The following PNPLA2 variants were observed in gnomAD, a reference collection of about 807,000 sequenced individuals.
PNPLA2 encodes the protein patatin like domain 2, triacylglycerol lipase, also known as patatin-like phospholipase domain-containing protein 2.
In PNPLA2, 28 loss-of-function variants were observed where a neutral mutation model predicts 39.7. The ratio of observed to expected loss-of-function variants is 0.70; its 90% CI spans 0.52 to 0.97. The LOEUF is 0.97. Ranked by LOEUF, PNPLA2 falls within the 50% of genes least tolerant of loss-of-function variation. The pLI is 0.00. For missense variants in PNPLA2, 768 were observed against 698.2 expected (o/e 1.10, Z -1.13); for synonymous variants, 392 against 321.1 (o/e 1.22, Z -2.36).
intron 5 of PNPLA2, 40 bp downstream of exon 5, chr11:822,646 C>A: frequency 2.0e-6 from 3 of 1,478,506 alleles, no homozygotes; most frequent in Non-Finnish European, 2.8e-6. Context: ...CCCAGCCACT[C>A]CTCACTGGGC....
chr11:823,637 C>T, intron 6 of PNPLA2, 50 bp downstream of exon 6: 1 of 1,601,202 alleles, frequency 6.2e-7, no homozygotes, highest in Non-Finnish European at 8.5e-7. Context: ...CTCTGCTACC[C>T]CCTGCGGGCC....
In PNPLA2 at chr11:824,568, C is replaced by T. The variant is rs758008203; in HGVS notation, c.1221C>T (p.Ser407=). The T allele has an allele frequency of 2.5e-6, 4 of 1,571,582 alleles. No individual in the cohort carries two copies. The highest frequency in any genetic ancestry group is 3.4e-6 in the Non-Finnish European group (4 of 1,163,386). The part of the protein sequence containing the change: ...VELRRVQSLP[S]VPLSCAAYRE... ...TGCGCCGCGTCCAGTCGCTGCCGTC[C>T]GTGCCGCTGTCCTGCGCCGCCTACA... is the stretch of plus-strand genomic sequence containing the variant. The change falls in exon 10 of 10, where the codon TCC becomes TCT. Residue 407 remains serine, a synonymous_variant. Coordinates refer to ENST00000336615, the MANE Select transcript of PNPLA2 (RefSeq NM_020376.4).
At position 824,309 on chromosome 11, in the gene PNPLA2, C is replaced by G; in HGVS notation, c.1053-5C>G. The G allele has an allele frequency of 1.3e-6, 2 of 1,551,056 alleles. No individual in the cohort carries two copies. The highest frequency in any genetic ancestry group is 1.7e-6 in the Non-Finnish European group (2 of 1,147,674). On this transcript the variant is annotated splice_polypyrimidine_tract_variant and splice_region_variant and intron_variant, in intron 8 of 9. Coordinates refer to ENST00000336615, the MANE Select transcript of PNPLA2 (RefSeq NM_020376.4). Reference sequence around the variant, plus strand: ...CCCTGAACGCGCCGCTCGCCCTGTCCCCAGCTTGCTGGAGTGGCTGCCCGA... The same window carrying G: ...CCCTGAACGCGCCGCTCGCCCTGTCGCCAGCTTGCTGGAGTGGCTGCCCGA...
rs1048843293 is a variant in PNPLA2 at position 819,617 on chromosome 11, C to A, written c.-102C>A. The A allele has an allele frequency of 3.3e-5, 43 of 1,294,534 alleles. No individual in the cohort carries two copies. The highest frequency in any genetic ancestry group is 3.7e-5 in the Non-Finnish European group (37 of 1,004,544). The allele number at this position is 1,294,534 out of a possible 1,614,324, so 80.2% of individuals were successfully genotyped here. ...CGGGGACCCCGAGCTAGAGCCGCAGCGGGACCTGCCCGGCCCCCGGCTCCA... is the reference window on the plus strand; with the variant it reads ...CGGGGACCCCGAGCTAGAGCCGCAGAGGGACCTGCCCGGCCCCCGGCTCCA... On this transcript the variant is annotated 5_prime_UTR_variant, in exon 2 of 10. Coordinates refer to ENST00000336615, the MANE Select transcript of PNPLA2 (RefSeq NM_020376.4).
rs142852995 is a variant in PNPLA2 at position 823,527 on chromosome 11, G to A, written c.697G>A (p.Val233Met). Residue 233 changes from valine (V) to methionine (M), a missense_variant and splice_region_variant, in exon 6 of 10, where the codon GTG becomes ATG. Val to Met is a conservative substitution (Grantham distance 21). Coordinates refer to ENST00000336615, the MANE Select transcript of PNPLA2 (RefSeq NM_020376.4). ...SKALFPPEPL[V>M]LREMCKQGYR... Reference sequence around the variant, plus strand: ...CTCCATTTAACCCTCCTCACTGCAGGTGCTGCGAGAGATGTGCAAGCAGGG... The same window carrying A: ...CTCCATTTAACCCTCCTCACTGCAGATGCTGCGAGAGATGTGCAAGCAGGG... 6.8e-6 allele frequency: 11 copies of A among 1,608,210 alleles called. No individual in the cohort carries two copies. The highest frequency in any genetic ancestry group is 8.5e-6 in the Non-Finnish European group (10 of 1,177,934).
At chr11:821,360 G>T (rs1431184294) in intron 2 of PNPLA2, 4 of 563,986 alleles carry the variant, frequency 7.1e-6, no homozygotes, top group Non-Finnish European at 9.6e-6. Context: ...CCTCTCCTGG[G>T]CTAGATGCCA....
At position 824,895 on chromosome 11, in the gene PNPLA2, A is replaced by T; in HGVS notation, c.*33A>T. The T allele has an allele frequency of 5.4e-6, 8 of 1,481,984 alleles. No homozygotes were observed. The highest frequency in any genetic ancestry group is 7.3e-6 in the Non-Finnish European group (8 of 1,097,990). The allele number at this position is 1,481,984 out of a possible 1,614,324, so 91.8% of individuals were successfully genotyped here. ...ACCCTCTCGAGGAACCCTGCCTGAG[A>T]CGCCTCCATTACCACTGCGCAGTGA... On this transcript the variant is annotated 3_prime_UTR_variant, in exon 10 of 10. Transcript: ENST00000336615.
At chr11:823,669 G>GT (rs745894384) in intron 6 of PNPLA2, 25 bp from the exon 7 acceptor site, 1 of 1,604,576 alleles carries the variant, frequency 6.2e-7, no homozygotes, top group Non-Finnish European at 8.5e-7. Context: ...GATGAACTGA[G>GT]AATCCCTTCT....
In PNPLA2 at chr11:822,389, C is replaced by T. The variant is rs201418203; in HGVS notation, c.487-8C>T. On this transcript the variant is annotated splice_polypyrimidine_tract_variant and splice_region_variant and intron_variant, in intron 4 of 9. Coordinates refer to ENST00000336615, the MANE Select transcript of PNPLA2 (RefSeq NM_020376.4). ...CACATACGGTCCTGTCTGTGTGTCC[C>T]GTGGAAGCGCTACGTGGATGGTGGC... 6.0e-4 allele frequency: 975 copies of T among 1,612,576 alleles called. 6 individuals carry two copies. The Middle Eastern group carries it at 0.013, about 21-fold the overall frequency.
intron 4 of PNPLA2, 54 bp from the exon 5 acceptor site, chr11:822,343 G>T: frequency 6.6e-7 from 1 of 1,509,460 alleles, no homozygotes. Flanking sequence ...GGGGTGGGTG[G>T]CCAGTGCAGC....
At chr11:821,363 A>G in intron 2 of PNPLA2, 1 of 565,614 alleles carries the variant, frequency 1.8e-6, no homozygotes, top group East Asian at 3.0e-5. Context: ...CTCCTGGGCT[A>G]GATGCCACAC....
At chr11:820,561 T>G (rs970565780) in intron 2 of PNPLA2, among the ~76,000 whole-genome samples, 1 of 152,196 alleles carries the variant, frequency 6.6e-6, no homozygotes, top group Admixed American at 6.5e-5. Flanking sequence ...CTCTGTGTGC[T>G]GGGCTGGCCT....
chr11:821,371 C>T (rs1845659212), intron 2 of PNPLA2: 1 of 576,938 alleles, frequency 1.7e-6, no homozygotes, highest in African/African-American at 1.9e-5. Flanking sequence ...CTAGATGCCA[C>T]ACCAGGCCCA....
chr11:823,447 C>A, intron 5 of PNPLA2, 80 bp from the exon 6 acceptor site: 1 of 1,298,270 alleles, frequency 7.7e-7, no homozygotes, highest in Non-Finnish European at 1.1e-6. Flanking sequence ...AGGGAGGTGG[C>A]TGTTGGGGGT....
chr11:821,583 C>G lies in PNPLA2; in HGVS notation c.188-45C>G, dbSNP rs1186422545. 3.5e-6 allele frequency: 5 copies of G among 1,421,146 alleles called. No homozygotes were observed. In the East Asian group the frequency reaches 9.2e-5, roughly 26 times the overall value. The allele number at this position is 1,421,146 out of a possible 1,614,324, so 88.0% of individuals were successfully genotyped here. On this transcript the variant is annotated intron_variant, in intron 2 of 9. Transcript: ENST00000336615. Reference sequence around the variant, plus strand: ...GGGCTATGAAGGAAGGTGGGTGTTGCTAAGCCCAGGAGCATGGGCCCCTAA... The same window carrying G: ...GGGCTATGAAGGAAGGTGGGTGTTGGTAAGCCCAGGAGCATGGGCCCCTAA...
At position 824,897 on chromosome 11, in the gene PNPLA2, G is replaced by A. The variant is rs1845837228; in HGVS notation, c.*35G>A. 4.8e-6 allele frequency: 7 copies of A among 1,471,768 alleles called. No homozygotes were observed. The highest frequency in any genetic ancestry group is 3.4e-4 in the Middle Eastern group (2 of 5,898). 91.2% of individuals were successfully genotyped at this position (1,471,768 alleles called of 1,614,324 possible). A position where few individuals can be genotyped will look rare whatever the true frequency, so the allele number is the denominator to read the frequency against. ...CCTCTCGAGGAACCCTGCCTGAGAC[G>A]CCTCCATTACCACTGCGCAGTGAGA... On this transcript the variant is annotated 3_prime_UTR_variant, in exon 10 of 10. Coordinates refer to ENST00000336615, the MANE Select transcript of PNPLA2 (RefSeq NM_020376.4).
At position 819,845 on chromosome 11, in the gene PNPLA2, A is replaced by G. The variant is rs1845608812; in HGVS notation, c.127A>G (p.Ile43Val). The change falls in exon 2 of 10, where the codon ATC (isoleucine) becomes GTC (valine). Residue 43 changes from isoleucine (I) to valine (V), a missense_variant. Transcript: ENST00000336615. ...CTTCCTGGTGGCCAACGCCACGCAC[A>G]TCTACGGCGCCTCGGCCGGGGCGCT... The part of the protein sequence containing the change: ...APFLVANATH[I>V]YGASAGALTA... The G allele has an allele frequency of 1.4e-6, 2 of 1,474,192 alleles. No individual in the cohort carries two copies. The highest frequency in any genetic ancestry group is 1.8e-6 in the Non-Finnish European group (2 of 1,112,228). The allele number at this position is 1,474,192 out of a possible 1,614,324, so 91.3% of individuals were successfully genotyped here.
rs1300290543 is a variant in PNPLA2, at chr11:824,964, C to T, written c.*102C>T. On this transcript the variant is annotated 3_prime_UTR_variant, in exon 10 of 10. Transcript: ENST00000336615. ...TGCCAAGAGGGGTCTTTGCCGTGGG[C>T]CCCCTCGCCAGCCACTCACCAGCTG... 11 of 980,884 alleles carry T rather than the reference C, an allele frequency of 1.1e-5. No homozygotes were observed. The highest frequency in any genetic ancestry group is 1.4e-5 in the Non-Finnish European group (9 of 657,076). 60.8% of individuals were successfully genotyped at this position (980,884 alleles called of 1,614,324 possible).
chr11:820,476 C>T (rs1469819517), intron 2 of PNPLA2, among the ~76,000 whole-genome samples: 3 of 152,218 alleles, frequency 2.0e-5, no homozygotes, highest in Non-Finnish European at 2.9e-5. Context: ...CTCCCCGCTG[C>T]GGCCCACCGC....
Sources: gnomAD v4.1 joint callset for allele counts (sites outside exome capture counted in the v4.1 genomes callset) on GRCh38, gnomAD v4.1.1 for gene constraint, MANE v1.5 for transcripts, NCBI Gene and HGNC (gene_info 2026-07-23, HGNC 2026-07-21) for gene names.